The following LRRC71 variants were observed in gnomAD, a reference collection of about 807,000 sequenced individuals.
LRRC71 encodes leucine rich repeat containing 71.
In LRRC71, 54 loss-of-function variants were observed where a neutral mutation model predicts 66.6. The observed-to-expected ratio is 0.81, with a 90% CI of 0.65 to 1.02. The LOEUF is 1.02. Ranked by LOEUF, LRRC71 falls within the 50% of genes least tolerant of loss-of-function variation. The probability of loss-of-function intolerance (pLI) is 0.00; values close to 1 mark genes in which losing one functional copy is unlikely to be tolerated. For missense variants in LRRC71, 724 were observed against 718.0 expected, an observed-to-expected ratio of 1.01 and a Z score of -0.10; for synonymous variants, 323 against 303.9, an observed-to-expected ratio of 1.06 and a Z score of -0.65.
rs1410000115 is a variant in LRRC71 at position 156,924,513 on chromosome 1, CAGG to C, written c.405_407del (p.Glu135del). On this transcript the variant is annotated inframe_deletion, in exon 3 of 15. Transcript: ENST00000337428. The stretch of plus-strand genomic sequence containing the variant: ...GCCCACCATCCAGGTGGAGCTGGAG[CAGG>C]AGGACAGCAAGTCAGTGAAGGAAAT... 1.9e-6 allele frequency: 3 copies of C among 1,551,514 alleles called. No homozygotes were observed. Among genetic ancestry groups the C allele is most frequent in the African/African-American group, 1.4e-5 (1 of 73,168 alleles).
In LRRC71 at chr1:156,930,658, G is replaced by A. The variant is rs748271375; in HGVS notation, c.1329+41G>A. The stretch of plus-strand genomic sequence containing the variant: ...GAGTGGAGGCAGGGGGCACACCCCT[G>A]GGATTCCAGGCTTGCCTGAGACGTC... On this transcript the variant is annotated intron_variant, in intron 12 of 14. Coordinates refer to ENST00000337428, the MANE Select transcript of LRRC71 (RefSeq NM_144702.3). 17 of 1,528,442 alleles carry A rather than the reference G, an allele frequency of 1.1e-5. No individual in the cohort carries two copies. The South Asian group carries it at 1.3e-4, about 12-fold the overall frequency. The allele number at this position is 1,528,442 out of a possible 1,614,324, so 94.7% of individuals were successfully genotyped here.
rs762027423 is a variant in LRRC71 at position 156,927,539 on chromosome 1, G to C, written c.706G>C (p.Gly236Arg). The C allele has an allele frequency of 2.6e-6, 4 of 1,556,782 alleles. No individual in the cohort carries two copies. Residue 236 changes from glycine (G) to arginine (R), a missense_variant, in exon 7 of 15, where the codon GGG becomes CGG. Gly to Arg is a moderately radical substitution (Grantham distance 125, BLOSUM62 -2). Transcript: ENST00000337428. ...GCGGAACAATAACATCGACGACCGC[G>C]GGGCGCAACTCCTGGGCCAGGCGCT... The part of the protein sequence containing the change: ...SLRNNNIDDR[G>R]AQLLGQALST...
downstream of LRRC71, chr1:156,936,038 C>G (rs1228225519): frequency 6.8e-6 from 11 of 1,613,968 alleles, no homozygotes; most frequent in Non-Finnish European, 9.3e-6. Context: ...GCTGTGCTGT[C>G]TTCCAGGGGG....
Position 156,921,924 on chromosome 1 carries a change from G to A in LRRC71, c.160+961G>A, listed in dbSNP as rs138077327. The stretch of plus-strand genomic sequence containing the variant: ...TCCTCAGAGAAACACTTTTGAGGTA[G>A]AAGTAATAAGAGTTGGCGAAGGACT... On this transcript the variant is annotated intron_variant, in intron 1 of 14. Transcript: ENST00000337428. Among the ~76,000 whole-genome samples, 385 of 152,310 alleles carry A rather than the reference G, an allele frequency of 2.5e-3. 1 individual carries two copies. Among genetic ancestry groups the A allele is most frequent in the African/African-American group, 8.6e-3 (359 of 41,566 alleles).
At chr1:156,931,629 G>A (rs1049360462) in intron 12 of LRRC71, among the ~76,000 whole-genome samples, 1 of 152,024 alleles carries the variant, frequency 6.6e-6, no homozygotes, top group Admixed American at 6.6e-5. Context: ...TATCATGTGC[G>A]TTCACAGGAG....
chr1:156,924,858 T>C lies in LRRC71; in HGVS notation c.516-80T>C, dbSNP rs564850651. ...GGTGGGGGATGAGGAAGGGCACCGC[T>C]GGGAGAACGGTGTGGGGAGGGTTTT... On this transcript the variant is annotated intron_variant, in intron 4 of 14. Transcript: ENST00000337428. 7,064 of 1,519,704 alleles carry C rather than the reference T, an allele frequency of 4.6e-3. 36 individuals are homozygous for C. Among genetic ancestry groups the C allele is most frequent in the Non-Finnish European group, 6.0e-3 (6,748 of 1,119,036 alleles). The allele number at this position is 1,519,704 out of a possible 1,614,324, so 94.1% of individuals were successfully genotyped here.
downstream of LRRC71, among the ~76,000 whole-genome samples, chr1:156,936,497 A>AAAT (rs370282821): frequency 1.1e-3 from 36 of 33,938 alleles, no homozygotes; most frequent in African/African-American, 3.5e-3. Flanking sequence ...AAAAAAAAAA[A>AAAT]ATATATATAT....
intron 5 of LRRC71, 91 bp downstream of exon 5, chr1:156,925,106 C>A: frequency 8.1e-7 from 1 of 1,238,394 alleles, no homozygotes; most frequent in Non-Finnish European, 1.1e-6. Flanking sequence ...TGGCAGGTCC[C>A]AGCTCCTGTG....
At chr1:156,930,754 G>T in intron 12 of LRRC71, 137 bp downstream of exon 12, 1 of 774,618 alleles carries the variant, frequency 1.3e-6, no homozygotes, top group African/African-American at 1.7e-5. Flanking sequence ...CTTCAAATTT[G>T]TCCTCCACTC....
intron 12 of LRRC71, 136 bp downstream of exon 12, chr1:156,930,753 T>G: frequency 1.3e-6 from 1 of 774,140 alleles, no homozygotes; most frequent in East Asian, 2.7e-5. Flanking sequence ...CCTTCAAATT[T>G]GTCCTCCACT....
At chr1:156,939,950 T>C in the LRRC71 span, 1 of 1,589,400 alleles carries the variant, frequency 6.3e-7, no homozygotes, top group Non-Finnish European at 8.5e-7. Flanking sequence ...AGCATGGGAC[T>C]GCACACCACG....
the LRRC71 span, chr1:156,939,880 C>G: frequency 6.2e-7 from 1 of 1,608,620 alleles, no homozygotes; most frequent in Non-Finnish European, 8.5e-7. Context: ...TGGCAGCAGG[C>G]TCCACAGGAT....
downstream of LRRC71, chr1:156,935,925 C>G (rs74584761): frequency 1.4e-4 from 217 of 1,513,694 alleles, no homozygotes; most frequent in Middle Eastern, 4.8e-4. Context: ...TGGGATCCCC[C>G]CTACCCTGTG....
At position 156,924,719 on chromosome 1, in the gene LRRC71, G is replaced by A. The variant is rs1428333968; in HGVS notation, c.515+1G>A. The A allele has an allele frequency of 6.4e-7, 1 of 1,551,588 alleles. No individual in the cohort carries two copies. Among genetic ancestry groups the A allele is most frequent in the African/African-American group, 1.4e-5 (1 of 73,044 alleles). ...CGCTTACCCAGCTACAGGCCATCAA[G>A]TGAGAGGCACTGAGGGGATGGGCGG... On this transcript the variant is annotated splice_donor_variant, in intron 4 of 14. Transcript: ENST00000337428. LOFTEE classifies it high-confidence loss of function.
chr1:156,937,610 C>T (rs749029076), downstream of LRRC71: 35 of 1,136,054 alleles, frequency 3.1e-5, no homozygotes, highest in Non-Finnish European at 4.2e-5. Flanking sequence ...CAGTCCTCTC[C>T]AGACAAACTC....
the LRRC71 span, chr1:156,940,562 C>G: frequency 2.9e-6 from 2 of 700,098 alleles, no homozygotes; most frequent in African/African-American, 3.6e-5. Flanking sequence ...TTCCCATGGC[C>G]AGCACTGTCC....
At chr1:156,937,299 T>A (rs144152945), downstream of LRRC71, 342 of 1,613,962 alleles carry the variant, frequency 2.1e-4, no homozygotes, top group African/African-American at 4.2e-3. Context: ...TGGAAGATCA[T>A]GCCCACGTCC....
chr1:156,930,667 G>C, intron 12 of LRRC71, 50 bp downstream of exon 12: 3 of 1,515,562 alleles, frequency 2.0e-6, no homozygotes, highest in South Asian at 2.4e-5. Flanking sequence ...TGGGATTCCA[G>C]GCTTGCCTGA....
In LRRC71 at chr1:156,924,685, G is replaced by A; in HGVS notation, c.482G>A (p.Cys161Tyr). ...CGGATTCTGGGTGTCTTCTCTAAAT[G>A]TCTGCCCCCGCTTACCCAGCTACAG... is the stretch of plus-strand genomic sequence containing the variant. The part of the protein sequence containing the change: ...EERILGVFSK[C>Y]LPPLTQLQAI... The change falls in exon 4 of 15, where the codon TGT (cysteine) becomes TAT (tyrosine). Residue 161 changes from cysteine (C) to tyrosine (Y), a missense_variant. Cys to Tyr is a radical substitution (Grantham distance 194, BLOSUM62 -2). Transcript: ENST00000337428. The A allele has an allele frequency of 9.7e-6, 15 of 1,551,436 alleles. No individual in the cohort carries two copies. Among genetic ancestry groups the A allele is most frequent in the Non-Finnish European group, 1.3e-5 (15 of 1,146,866 alleles).
Sources: allele counts gnomAD v4.1 joint callset (sites outside exome capture counted in the v4.1 genomes callset), GRCh38; gene constraint gnomAD v4.1.1; transcripts MANE v1.5; gene names NCBI Gene and HGNC (gene_info 2026-07-23, HGNC 2026-07-21).